ELAVL4: variants seen among roughly 807,000 people sequenced by gnomAD.
The protein encoded by ELAVL4 is ELAV-like protein 4.
A neutral mutation model predicts 35.6 loss-of-function variants in ELAVL4; 1 was observed. The ratio of observed to expected loss-of-function variants is 0.03; its 90% CI spans 0.01 to 0.13. The LOEUF (loss-of-function observed/expected upper bound fraction) is 0.13. ELAVL4 is among the 10% of genes least tolerant of loss of function. The pLI is 1.00. For missense variants in ELAVL4, 267 were observed against 464.9 expected, an observed-to-expected ratio of 0.57 and a Z score of 3.91; for synonymous variants, 156 against 171.0, an observed-to-expected ratio of 0.91 and a Z score of 0.69.
chr1:50,107,116 C>G (rs1306873811), upstream of ELAVL4, among the ~76,000 whole-genome samples: 1 of 152,094 alleles, frequency 6.6e-6, no homozygotes, highest in Non-Finnish European at 1.5e-5. Flanking sequence ...TGATTTGGGG[C>G]ACACATACCT....
intron 2 of ELAVL4, among the ~76,000 whole-genome samples, chr1:50,160,116 G>A (rs1676528099): frequency 6.6e-6 from 1 of 152,158 alleles, no homozygotes; most frequent in African/African-American, 2.4e-5. Flanking sequence ...GCCTGGAAGA[G>A]CTGAGCCATT....
chr1:50,068,666 T>C (rs946164411), intron 1 of ELAVL4, among the ~76,000 whole-genome samples: 7 of 152,236 alleles, frequency 4.6e-5, no homozygotes, highest in African/African-American at 1.7e-4. Flanking sequence ...TCTGTGGATA[T>C]TCTAGGATAT....
chr1:50,103,797 A>C, upstream of ELAVL4: 3 of 974,496 alleles, frequency 3.1e-6, no homozygotes, highest in Non-Finnish European at 4.5e-6. Context: ...CTACCTTCCC[A>C]CCCCATTTTG....
chr1:50,087,014 T>A (rs1665276919), intron 1 of ELAVL4, among the ~76,000 whole-genome samples: 1 of 152,144 alleles, frequency 6.6e-6, no homozygotes, highest in South Asian at 2.1e-4. Flanking sequence ...AGAATGCCAG[T>A]ACTGAGGAAG....
chr1:50,200,924 T>C lies in ELAVL4; in HGVS notation c.847T>C (p.Trp283Arg). Residue 283 changes from tryptophan (W) to arginine (R), a missense_variant, in exon 7 of 7, where the codon TGG becomes CGG. Physicochemically the swap from Trp to Arg is moderately radical, Grantham distance 101. This residue lies in a region of ELAVL4 where 216 missense variants were observed against 409.5 expected (regional missense o/e 0.53). Transcript: ENST00000371824. ...CATCCCTGGTCACACAGGAACTGGG[T>C]GGTGCATCTTTGTCTACAACCTGTC... The part of the protein sequence containing the change: ...MNIPGHTGTG[W>R]CIFVYNLSPD... 6.2e-7 allele frequency: 1 copy of C among 1,614,006 alleles called. No homozygotes were observed. Among genetic ancestry groups the C allele is most frequent in the Non-Finnish European group, 8.5e-7 (1 of 1,180,000 alleles).
chr1:50,115,973 G>A (rs1264904575), intron 1 of ELAVL4, among the ~76,000 whole-genome samples: 2 of 152,258 alleles, frequency 1.3e-5, no homozygotes. Context: ...TGAGGTTTGT[G>A]TCAAATAGTA....
At chr1:50,104,401 A>G (rs1666151698), upstream of ELAVL4, among the ~76,000 whole-genome samples, 1 of 152,236 alleles carries the variant, frequency 6.6e-6, no homozygotes, top group African/African-American at 2.4e-5. Flanking sequence ...ATTTCATACA[A>G]CCAGAATTTG....
intron 1 of ELAVL4, among the ~76,000 whole-genome samples, chr1:50,118,127 A>G (rs1241074494): frequency 6.6e-6 from 1 of 152,132 alleles, no homozygotes; most frequent in Non-Finnish European, 1.5e-5. Flanking sequence ...CTTAATTGAT[A>G]TGGTCCCATC....
In ELAVL4 at chr1:50,133,815, G is replaced by A. The variant is rs566964745; in HGVS notation, c.10-11142G>A. On this transcript the variant is annotated intron_variant, in intron 1 of 6. Transcript: ENST00000371824. ...ATATGAGGCTATATGAATTGTCCAT[G>A]AGTATAATTTATCACGGCCAGTTAT... is the stretch of plus-strand genomic sequence containing the variant. Among the ~76,000 whole-genome samples the A allele has an allele frequency of 5.9e-5, 9 of 152,236 alleles. No individual in the cohort carries two copies. The South Asian group carries it at 1.9e-3, about 32-fold the overall frequency.
intron 2 of ELAVL4, among the ~76,000 whole-genome samples, chr1:50,151,705 T>G (rs1460163425): frequency 6.6e-6 from 1 of 152,254 alleles, no homozygotes; most frequent in Non-Finnish European, 1.5e-5. Context: ...TACAATGTGA[T>G]GTATCTCCTG....
intron 1 of ELAVL4, among the ~76,000 whole-genome samples, chr1:50,075,612 G>A (rs897266449): frequency 1.3e-5 from 2 of 152,132 alleles, no homozygotes; most frequent in African/African-American, 4.8e-5. Flanking sequence ...ACCACAGTGG[G>A]TTTTTTGTAT....
chr1:50,172,331 T>G (rs1679161223), intron 2 of ELAVL4, among the ~76,000 whole-genome samples: 1 of 152,194 alleles, frequency 6.6e-6, no homozygotes, highest in Non-Finnish European at 1.5e-5. Context: ...CACAAACTAC[T>G]GGAGATAATT....
Position 50,110,924 on chromosome 1 carries a change from A to G in ELAVL4, c.9+1726A>G, listed in dbSNP as rs1362036561. Among the ~76,000 whole-genome samples the G allele has an allele frequency of 2.0e-5, 3 of 152,018 alleles. No individual in the cohort carries two copies. The East Asian group carries it at 5.8e-4, about 29-fold the overall frequency. ...GAAACGAACAGAGGAGAAGCCGAGTAGGGAGCAGGTGGCTATCATGAGAAC... is the reference window on the plus strand; with the variant it reads ...GAAACGAACAGAGGAGAAGCCGAGTGGGGAGCAGGTGGCTATCATGAGAAC... On this transcript the variant is annotated intron_variant, in intron 1 of 6. Coordinates refer to ENST00000371824, the MANE Select transcript of ELAVL4 (RefSeq NM_001144774.3).
At chr1:50,099,404 T>C (rs904994552), upstream of ELAVL4, among the ~76,000 whole-genome samples, 9 of 151,562 alleles carry the variant, frequency 5.9e-5, no homozygotes, top group Non-Finnish European at 1.3e-4. Context: ...CTATTAAAAA[T>C]ACAAAATTAG....
At chr1:50,162,025 ATCT>A (rs1676891786) in intron 2 of ELAVL4, among the ~76,000 whole-genome samples, 1 of 152,232 alleles carries the variant, frequency 6.6e-6, no homozygotes, top group Admixed American at 6.5e-5. Flanking sequence ...CAATTTGGCT[ATCT>A]TCTCTGAAAT....
At chr1:50,097,339 T>C (rs1367750099) in intron 1 of ELAVL4, among the ~76,000 whole-genome samples, 1 of 152,240 alleles carries the variant, frequency 6.6e-6, no homozygotes, top group Non-Finnish European at 1.5e-5. Flanking sequence ...TAATTTCCCT[T>C]TAGCCAGCAT....
chr1:50,199,066 A>G (rs980471036), intron 6 of ELAVL4, among the ~76,000 whole-genome samples: 1 of 144,686 alleles, frequency 6.9e-6, no homozygotes, highest in Non-Finnish European at 1.5e-5. Context: ...ACAAATAGAC[A>G]TGGATTTGCA....
At chr1:50,114,375 G>C (rs777050726) in intron 1 of ELAVL4, among the ~76,000 whole-genome samples, 3 of 151,930 alleles carry the variant, frequency 2.0e-5, no homozygotes, top group Non-Finnish European at 4.4e-5. Context: ...AAGTGTGTGT[G>C]TATTAGGAAC....
At chr1:50,120,295 A>C (rs1452471825) in intron 1 of ELAVL4, among the ~76,000 whole-genome samples, 1 of 151,930 alleles carries the variant, frequency 6.6e-6, no homozygotes, top group Non-Finnish European at 1.5e-5. Context: ...AGCCAGGGAA[A>C]CTGGATAGAT....
Sources: allele counts gnomAD v4.1 joint callset (sites outside exome capture counted in the v4.1 genomes callset), GRCh38; gene constraint gnomAD v4.1.1; regional missense constraint gnomAD v4.1.1; transcripts MANE v1.5; gene names NCBI Gene and HGNC (gene_info 2026-07-23, HGNC 2026-07-21).